The following TPO variants were observed in gnomAD, a reference collection of about 807,000 sequenced individuals.
The protein encoded by TPO is thyroid peroxidase, also known as thyroid microsomal antigen.
Under a neutral mutation model 96.9 loss-of-function variants are expected in TPO, and 78 were observed. That is an observed-to-expected ratio of 0.81 (90% confidence interval 0.67 to 0.97). The LOEUF is 0.97. Among genes scored for constraint, TPO ranks in the 50% least tolerant of loss-of-function variants. The pLI is 0.00. For missense variants in TPO, 1,252 were observed against 1,274.8 expected, an observed-to-expected ratio of 0.98 and a Z score of 0.27; for synonymous variants, 547 against 538.0, an observed-to-expected ratio of 1.02 and a Z score of -0.23.
At chr2:1,417,182 C>T (rs932639787) in intron 2 of TPO, among the ~76,000 whole-genome samples, 5 of 151,620 alleles carry the variant, frequency 3.3e-5, no homozygotes, top group Admixed American at 1.3e-4. Flanking sequence ...CCGTGACTCA[C>T]ATCTGCAATC....
chr2:1,472,884 T>A (rs919759088), intron 7 of TPO, among the ~76,000 whole-genome samples: 2 of 148,348 alleles, frequency 1.3e-5, no homozygotes, highest in African/African-American at 5.0e-5. Flanking sequence ...GTTACATTAG[T>A]TGCTTTCCCT....
intron 1 of TPO, among the ~76,000 whole-genome samples, chr2:1,407,777 A>G (rs1480070834): frequency 2.0e-5 from 3 of 148,406 alleles, no homozygotes; most frequent in Admixed American, 1.3e-4. Context: ...AAGAACAATC[A>G]TGCAACCTTC....
At chr2:1,477,807 C>T (rs1221060455) in intron 8 of TPO, 36 of 985,310 alleles carry the variant, frequency 3.7e-5, no homozygotes, top group Non-Finnish European at 4.2e-5. Flanking sequence ...GGAGGGTCAT[C>T]GTGAGCTCCT....
intron 7 of TPO, among the ~76,000 whole-genome samples, chr2:1,465,069 T>C (rs28911171): frequency 0.013 from 1,962 of 152,310 alleles, 44 homozygotes; most frequent in African/African-American, 0.045. Flanking sequence ...CTTGAGTTGT[T>C]TTTGTATAAG....
intron 1 of TPO, among the ~76,000 whole-genome samples, chr2:1,376,535 G>A (rs13386364): frequency 0.058 from 8,799 of 152,160 alleles, 676 homozygotes; most frequent in East Asian, 0.3. Context: ...GGGCATTCGC[G>A]GGAGCACCAG....
intron 3 of TPO, among the ~76,000 whole-genome samples, chr2:1,426,993 G>A (rs908274824): frequency 5.3e-5 from 8 of 152,192 alleles, no homozygotes; most frequent in South Asian, 2.1e-4. Flanking sequence ...AAGTGTTTAC[G>A]AAAAGGGAGA....
rs781420871 is a variant in TPO, at chr2:1,504,037, G to A, written c.2476G>A (p.Ala826Thr). The A allele has an allele frequency of 1.4e-5, 22 of 1,614,104 alleles. No individual in the cohort carries two copies. The highest frequency in any genetic ancestry group is 1.2e-4 in the South Asian group (11 of 91,096). Residue 826 changes from alanine to threonine, a missense_variant, in exon 14 of 17, where the codon GCG becomes ACG. Transcript: ENST00000329066. ...CAAAGGCGGCTTCCAGTGTCTCTGC[G>A]CGGACCCCTACGAGTTAGGAGACGA... ...NTKGGFQCLC[A>T]DPYELGDDGR... is the part of the protein sequence containing the mutation.
chr2:1,423,094 C>T lies in TPO; in HGVS notation c.144C>T (p.Arg48=). The change falls in exon 3 of 17, where the codon CGC becomes CGT. Residue 48 remains arginine, a synonymous_variant. Coordinates refer to ENST00000329066, the MANE Select transcript of TPO (RefSeq NM_001206744.2). ...CTAGCGTCTTGGAGGAAAGCAAGCG[C>T]CTGGTGGACACCGCCATGTACGCCA... ...RVSSVLEESK[R]LVDTAMYATM... 1 of 1,614,124 alleles carries T rather than the reference C, an allele frequency of 6.2e-7. No homozygotes were observed. Among genetic ancestry groups the T allele is most frequent in the Non-Finnish European group, 8.5e-7 (1 of 1,180,038 alleles).
At chr2:1,422,906 C>T (rs1663916419) in intron 2 of TPO, 139 bp from the exon 3 acceptor site, 1 of 861,274 alleles carries the variant, frequency 1.2e-6, no homozygotes, top group Admixed American at 2.0e-5. Flanking sequence ...GGGAAGCGAC[C>T]CCGGGACCTG....
intron 15 of TPO, among the ~76,000 whole-genome samples, chr2:1,518,642 G>T (rs1674947851): frequency 6.6e-6 from 1 of 152,178 alleles, no homozygotes; most frequent in Non-Finnish European, 1.5e-5. Context: ...TTTCTGAGTA[G>T]CTTCATAGCT....
At chr2:1,386,535 C>T (rs1447897598) in intron 1 of TPO, among the ~76,000 whole-genome samples, 6 of 152,066 alleles carry the variant, frequency 3.9e-5, no homozygotes, top group African/African-American at 1.4e-4. Context: ...GATTGCAACC[C>T]CTGCCTTTTT....
upstream of TPO, among the ~76,000 whole-genome samples, chr2:1,411,966 G>C (rs1021317257): frequency 2.6e-5 from 4 of 152,338 alleles, no homozygotes; most frequent in East Asian, 7.7e-4. Context: ...GGTGCTCTGA[G>C]CTACTCTTGA....
At chr2:1,506,290 A>G (rs1573469230) in intron 14 of TPO, among the ~76,000 whole-genome samples, 1 of 150,652 alleles carries the variant, frequency 6.6e-6, no homozygotes, top group Admixed American at 6.6e-5. Flanking sequence ...TCATTGTTGG[A>G]CATTTGGGTT....
chr2:1,474,681 G>A (rs1018653879), intron 7 of TPO, among the ~76,000 whole-genome samples: 6 of 152,102 alleles, frequency 3.9e-5, no homozygotes, highest in Non-Finnish European at 7.4e-5. Context: ...GGGAGTCATC[G>A]ATCTGTTCTT....
chr2:1,526,052 A>G (rs1173171999), intron 15 of TPO, among the ~76,000 whole-genome samples: 1 of 105,770 alleles, frequency 9.5e-6, no homozygotes, highest in Non-Finnish European at 1.9e-5. Flanking sequence ...ACCTCCCCAA[A>G]TCCCCCCACT....
At chr2:1,374,163 A>G (rs72774216), upstream of TPO, 30,860 of 152,192 alleles carry the variant, frequency 0.2, 3,866 homozygotes, top group South Asian at 0.3. Flanking sequence ...TCTTCACGAG[A>G]TTATAAGGAA....
intron 10 of TPO, among the ~76,000 whole-genome samples, chr2:1,488,268 A>G (rs1671363712): frequency 6.6e-6 from 1 of 151,968 alleles, no homozygotes; most frequent in Non-Finnish European, 1.5e-5. Flanking sequence ...GGGAGGAGGG[A>G]GTGCGCGGGC....
chr2:1,477,394 G>GC lies in TPO; in HGVS notation c.1131dup (p.Glu378ArgfsTer94), dbSNP rs569672328. ...CGCCACGCGCGCCTGCGGCCTGTGCGCCCGAGCCCGGCATCCCCGGAGAGA... is the reference window on the plus strand; with the variant it reads ...CGCCACGCGCGCCTGCGGCCTGTGCGCCCCGAGCCCGGCATCCCCGGAGAGA... On this transcript the variant is annotated frameshift_variant, in exon 8 of 17. Transcript: ENST00000329066. LOFTEE classifies it high-confidence loss of function. 6.6e-7 allele frequency: 1 copy of GC among 1,525,010 alleles called. No homozygotes were observed. The highest frequency in any genetic ancestry group is 8.8e-7 in the Non-Finnish European group (1 of 1,138,892). 94.5% of individuals were successfully genotyped at this position (1,525,010 alleles called of 1,614,324 possible).
intron 13 of TPO, among the ~76,000 whole-genome samples, chr2:1,498,910 G>A (rs369795600): frequency 1.0e-3 from 153 of 152,214 alleles, no homozygotes; most frequent in African/African-American, 3.4e-3. Flanking sequence ...CTGGTTTTCC[G>A]TGTTGGCATT....
Sources: allele counts gnomAD v4.1 joint callset (sites outside exome capture counted in the v4.1 genomes callset), GRCh38; gene constraint gnomAD v4.1.1; transcripts MANE v1.5; gene names NCBI Gene and HGNC (gene_info 2026-07-23, HGNC 2026-07-21).